SSH2: variants seen among roughly 807,000 people sequenced by gnomAD.
SSH2 encodes protein phosphatase Slingshot homolog 2.
SSH2 carries 37 observed loss-of-function variants against 135.2 expected under a neutral mutation model. The ratio of observed to expected loss-of-function variants is 0.27; its 90% CI spans 0.21 to 0.36. The LOEUF is 0.36. SSH2 is among the 10% of genes least tolerant of loss of function. The pLI, the probability that SSH2 is intolerant of heterozygous loss-of-function variation, is 1.00. For missense variants in SSH2, 1,408 were observed against 1,765.3 expected (o/e 0.80, Z 3.63); for synonymous variants, 628 against 646.2 (o/e 0.97, Z 0.43).
chr17:29,899,175 C>T (rs2066500321), intron 1 of SSH2, among the ~76,000 whole-genome samples: 1 of 151,736 alleles, frequency 6.6e-6, no homozygotes, highest in South Asian at 2.1e-4. Context: ...CAATATCATA[C>T]TGAATGGGCA....
At chr17:29,900,418 A>G (rs1567641016) in intron 1 of SSH2, among the ~76,000 whole-genome samples, 1 of 152,210 alleles carries the variant, frequency 6.6e-6, no homozygotes, top group Non-Finnish European at 1.5e-5. Context: ...TCTACAAAGA[A>G]CTCAAACAAA....
intron 3 of SSH2, among the ~76,000 whole-genome samples, chr17:29,740,897 T>TAA (rs2040532812): frequency 6.6e-6 from 1 of 152,236 alleles, no homozygotes; most frequent in African/African-American, 2.4e-5. Flanking sequence ...TAAAATTCTT[T>TAA]AAGTCTAAAA....
chr17:29,635,336 TCTCA>T (rs1239907041), intron 15 of SSH2, among the ~76,000 whole-genome samples: 1 of 152,126 alleles, frequency 6.6e-6, no homozygotes, highest in South Asian at 2.1e-4. Context: ...GAGACACAGC[TCTCA>T]CTCAGGCAGC....
intron 1 of SSH2, among the ~76,000 whole-genome samples, chr17:29,887,438 G>A (rs962532936): frequency 5.9e-5 from 9 of 152,340 alleles, no homozygotes; most frequent in African/African-American, 1.9e-4. Flanking sequence ...CAAGACTGGA[G>A]TTTAAGACAA....
chr17:29,814,111 CAA>C, intron 2 of SSH2, among the ~76,000 whole-genome samples: 1 of 70,630 alleles, frequency 1.4e-5, no homozygotes, highest in Admixed American at 2.2e-4. Flanking sequence ...GCCTGGGGGA[CAA>C]GAGTGAGACT....
intron 1 of SSH2, among the ~76,000 whole-genome samples, chr17:29,871,831 C>T (rs1247417680): frequency 6.6e-6 from 1 of 152,102 alleles, no homozygotes; most frequent in East Asian, 1.9e-4. Context: ...TAAAGATGTT[C>T]ATGACCTATT....
chr17:29,676,044 T>C (rs892442249), intron 8 of SSH2: 22 of 152,194 alleles, frequency 1.4e-4, no homozygotes, highest in African/African-American at 5.1e-4. Flanking sequence ...TTAGCAAGTA[T>C]AATGTTTTCT....
At chr17:29,859,656 G>C (rs2065726374) in intron 1 of SSH2, among the ~76,000 whole-genome samples, 1 of 152,164 alleles carries the variant, frequency 6.6e-6, no homozygotes, top group African/African-American at 2.4e-5. Flanking sequence ...GTATTTCGTA[G>C]TGTATATGTA....
At chr17:29,914,280 G>A (rs1786400564) in intron 1 of SSH2, among the ~76,000 whole-genome samples, 1 of 151,956 alleles carries the variant, frequency 6.6e-6, no homozygotes, top group Admixed American at 6.6e-5. Flanking sequence ...ACTATTTCTG[G>A]CCAGGTGTGG....
At chr17:29,891,208 T>C (rs533586159) in intron 1 of SSH2, among the ~76,000 whole-genome samples, 1 of 152,318 alleles carries the variant, frequency 6.6e-6, no homozygotes, top group East Asian at 1.9e-4. Flanking sequence ...CCAGTACTTT[T>C]CATATGTTAG....
At chr17:29,696,083 A>G (rs1408909503) in intron 4 of SSH2, among the ~76,000 whole-genome samples, 1 of 151,300 alleles carries the variant, frequency 6.6e-6, no homozygotes, top group African/African-American at 2.4e-5. Flanking sequence ...TGATATTATT[A>G]TTATTTATTT....
At chr17:29,639,144 G>A (rs1007278687) in intron 14 of SSH2, among the ~76,000 whole-genome samples, 4 of 152,100 alleles carry the variant, frequency 2.6e-5, no homozygotes, top group South Asian at 2.1e-4. Context: ...AAGGAGACAC[G>A]TGGAAAAAGC....
At chr17:29,640,990 A>G (rs1023357386) in intron 14 of SSH2, among the ~76,000 whole-genome samples, 1 of 151,830 alleles carries the variant, frequency 6.6e-6, no homozygotes, top group African/African-American at 2.4e-5. Context: ...GCCACAATTT[A>G]TTTCCCTTCT....
At chr17:29,712,052 G>C (rs539429515) in intron 3 of SSH2, among the ~76,000 whole-genome samples, 1 of 152,148 alleles carries the variant, frequency 6.6e-6, no homozygotes, top group African/African-American at 2.4e-5. Context: ...GACATCAATC[G>C]ATATATGTAA....
chr17:29,766,081 TTTA>T (rs927509409), intron 3 of SSH2, among the ~76,000 whole-genome samples: 6 of 121,712 alleles, frequency 4.9e-5, no homozygotes, highest in African/African-American at 1.5e-4. Flanking sequence ...CAAATTCAAA[TTTA>T]TTATTATTAT....
At chr17:29,674,055 AAAAT>A (rs1229711430) in intron 8 of SSH2, 1 of 456,676 alleles carries the variant, frequency 2.2e-6, no homozygotes. Flanking sequence ...AAGATCATGC[AAAAT>A]GATAAGGCAT....
intron 14 of SSH2, 62 bp from the exon 15 acceptor site, chr17:29,636,864 C>T: frequency 9.0e-7 from 1 of 1,112,070 alleles, no homozygotes; most frequent in South Asian, 1.5e-5. Flanking sequence ...AACACCCTCC[C>T]AGGAAAACAC....
At chr17:29,691,814 TG>T (rs1371753853) in intron 5 of SSH2, among the ~76,000 whole-genome samples, 1 of 150,572 alleles carries the variant, frequency 6.6e-6, no homozygotes, top group Non-Finnish European at 1.5e-5. Context: ...AAGCAAAATG[TG>T]TGGTTTGGTT....
chr17:29,801,353 A>G (rs1341224576), intron 2 of SSH2, among the ~76,000 whole-genome samples: 1 of 152,160 alleles, frequency 6.6e-6, no homozygotes, highest in East Asian at 1.9e-4. Flanking sequence ...GTGTTAAGCA[A>G]TATTTTCCCA....
Sources: gnomAD v4.1 joint callset for allele counts (sites outside exome capture counted in the v4.1 genomes callset) on GRCh38, gnomAD v4.1.1 for gene constraint, MANE v1.5 for transcripts, NCBI Gene and HGNC (gene_info 2026-07-23, HGNC 2026-07-21) for gene names.